Variants in NFXL1 observed in about 807,000 individuals in gnomAD.
NFXL1 encodes NF-X1-type zinc finger protein NFXL1.
Under a neutral mutation model 123.3 loss-of-function variants are expected in NFXL1, and 66 were observed. That is an observed-to-expected ratio of 0.54 (90% CI 0.44 to 0.66). The LOEUF is 0.66. Among genes scored for constraint, NFXL1 ranks in the 30% least tolerant of loss-of-function variants. NFXL1 has a pLI of 0.00. For synonymous variants in NFXL1, 346 were observed against 360.8 expected (o/e 0.96, Z 0.46); for missense variants, 944 against 1,125.6 (o/e 0.84, Z 2.31).
chr4:47,894,896 A>C (rs1269101056), intron 10 of NFXL1, among the ~76,000 whole-genome samples: 1 of 152,212 alleles, frequency 6.6e-6, no homozygotes, highest in Non-Finnish European at 1.5e-5. Flanking sequence ...TCATCAGAGG[A>C]ATCACTATCT....
At chr4:47,867,691 T>C (rs1735185781) in intron 18 of NFXL1, among the ~76,000 whole-genome samples, 1 of 151,888 alleles carries the variant, frequency 6.6e-6, no homozygotes, top group Non-Finnish European at 1.5e-5. Context: ...ACTTTAGGGG[T>C]CCCAGGTAAA....
chr4:47,890,589 A>G (rs756635322), intron 12 of NFXL1, 24 bp downstream of exon 12: 12 of 1,283,436 alleles, frequency 9.3e-6, no homozygotes, highest in Non-Finnish European at 1.4e-5. Flanking sequence ...CAAACATAAA[A>G]TCATAGCTAT....
chr4:47,871,958 G>GA (rs1057223342), intron 18 of NFXL1, among the ~76,000 whole-genome samples: 18 of 152,240 alleles, frequency 1.2e-4, no homozygotes, highest in African/African-American at 4.3e-4. Flanking sequence ...GGACTGGAGT[G>GA]AAACAGCCAG....
At chr4:47,861,993 A>G (rs1307758223) in intron 19 of NFXL1, among the ~76,000 whole-genome samples, 2 of 152,232 alleles carry the variant, frequency 1.3e-5, no homozygotes, top group African/African-American at 4.8e-5. Context: ...TTTAAAGGAA[A>G]AAGATACTAT....
chr4:47,909,148 A>G (rs1444162637), intron 3 of NFXL1, among the ~76,000 whole-genome samples: 4 of 152,110 alleles, frequency 2.6e-5, no homozygotes, highest in Admixed American at 1.3e-4. Context: ...ACAACTCTAC[A>G]GTATTTAGTA....
chr4:47,875,033 T>C (rs1392656845), intron 18 of NFXL1, 94 bp downstream of exon 18: 1 of 742,336 alleles, frequency 1.3e-6, no homozygotes, highest in African/African-American at 1.8e-5. Context: ...CATCTAGAGT[T>C]TAAGCAAAGT....
chr4:47,899,242 G>A (rs4475122), intron 6 of NFXL1, 122 bp from the exon 7 acceptor site: 517,261 of 1,267,448 alleles, frequency 0.41, 111,108 homozygotes, highest in Non-Finnish European at 0.44. Context: ...TTTACAAAAG[G>A]CAATAACTTT....
intron 18 of NFXL1, among the ~76,000 whole-genome samples, chr4:47,871,453 A>G (rs988397944): frequency 6.6e-6 from 1 of 152,172 alleles, no homozygotes. Flanking sequence ...TTAAATGGTC[A>G]AGGGTTTCAT....
intron 18 of NFXL1, among the ~76,000 whole-genome samples, chr4:47,872,404 G>A (rs1367808720): frequency 6.7e-6 from 1 of 149,728 alleles, no homozygotes; most frequent in Non-Finnish European, 1.5e-5. Context: ...AGAGATTGCA[G>A]TGAGCCAAGA....
intron 4 of NFXL1, among the ~76,000 whole-genome samples, 189 bp downstream of exon 4, chr4:47,905,048 G>A (rs1737502210): frequency 6.6e-6 from 1 of 151,830 alleles, no homozygotes; most frequent in African/African-American, 2.4e-5. Context: ...TAAAAATACT[G>A]GATACTCATT....
At chr4:47,865,858 A>C (rs962653609) in intron 18 of NFXL1, among the ~76,000 whole-genome samples, 5 of 152,022 alleles carry the variant, frequency 3.3e-5, no homozygotes, top group African/African-American at 1.2e-4. Context: ...CTACAAAAAA[A>C]CACCAAAATT....
At chr4:47,859,871 C>CAAAAAAAA (rs1333883635) in intron 19 of NFXL1, among the ~76,000 whole-genome samples, 29 of 52,612 alleles carry the variant, frequency 5.5e-4, no homozygotes, top group African/African-American at 2.1e-3. Flanking sequence ...AAAAAAAAAA[C>CAAAAAAAA]AAACAAACAA....
At chr4:47,854,699 A>G (rs1011339164) in intron 20 of NFXL1, among the ~76,000 whole-genome samples, 3 of 152,146 alleles carry the variant, frequency 2.0e-5, no homozygotes, top group African/African-American at 7.2e-5. Context: ...GCCATTTCTT[A>G]AGCAATGAAA....
chr4:47,889,989 TA>T (rs1736671250), intron 12 of NFXL1, among the ~76,000 whole-genome samples: 4 of 152,158 alleles, frequency 2.6e-5, no homozygotes, highest in African/African-American at 9.6e-5. Flanking sequence ...AGAAAATAGT[TA>T]TTTTTCATAA....
intron 21 of NFXL1, among the ~76,000 whole-genome samples, 175 bp from the exon 22 acceptor site, chr4:47,851,323 A>T (rs1560577586): frequency 6.6e-6 from 1 of 152,118 alleles, no homozygotes; most frequent in Non-Finnish European, 1.5e-5. Context: ...ACTATCTAAT[A>T]AATTGAAGGT....
Position 47,879,085 on chromosome 4 carries a change from C to G in NFXL1, c.1938+11G>C, listed in dbSNP as rs566796238. 8.7e-6 allele frequency: 12 copies of G among 1,384,656 alleles called. 1 individual carries two copies. The South Asian group carries it at 1.7e-4, about 20-fold the overall frequency. The allele number at this position is 1,384,656 out of a possible 1,614,324, so 85.8% of individuals were successfully genotyped here. A position where few individuals can be genotyped will look rare whatever the true frequency, so the allele number is the denominator to read the frequency against. On this transcript the variant is annotated intron_variant, in intron 16 of 22. Transcript: ENST00000507489. ...TATAAGCTTTACTTAAAAATTGTGC[C>G]TGTAACTTACCTCATGTTTCCCAAG...
At chr4:47,913,514 C>T (rs1737946851) in intron 2 of NFXL1, among the ~76,000 whole-genome samples, 1 of 152,222 alleles carries the variant, frequency 6.6e-6, no homozygotes, top group Admixed American at 6.5e-5. Flanking sequence ...CAAGTCCAAT[C>T]TAAATGGGAT....
rs1369740102 is a variant in NFXL1 at position 47,890,682 on chromosome 4, G to A, written c.1474C>T (p.Pro492Ser). The A allele has an allele frequency of 1.9e-6, 3 of 1,609,926 alleles. No individual in the cohort carries two copies. Among genetic ancestry groups the A allele is most frequent in the Admixed American group, 3.3e-5 (2 of 59,962 alleles). The change falls in exon 12 of 23, where the codon CCT becomes TCT. Residue 492 changes from proline (P) to serine (S), a missense_variant. Coordinates refer to ENST00000507489, the MANE Select transcript of NFXL1 (RefSeq NM_001278624.2). The part of the protein sequence containing the change: ...RRKCCPGNCP[P>S]CDQNCGRTLG... Reference sequence around the variant, plus strand: ...GTCCGTCCACAGTTTTGATCACAAGGTGGACAGTTTCCAGGGCAACACTGA... The same window carrying A: ...GTCCGTCCACAGTTTTGATCACAAGATGGACAGTTTCCAGGGCAACACTGA...
intron 17 of NFXL1, among the ~76,000 whole-genome samples, chr4:47,876,252 G>A (rs894114952): frequency 2.6e-5 from 4 of 152,114 alleles, no homozygotes; most frequent in Non-Finnish European, 5.9e-5. Flanking sequence ...ACATTTATGT[G>A]AGGAGGTAAA....
Sources: allele counts gnomAD v4.1 joint callset (sites outside exome capture counted in the v4.1 genomes callset), GRCh38; gene constraint gnomAD v4.1.1; transcripts MANE v1.5; gene names NCBI Gene and HGNC (gene_info 2026-07-23, HGNC 2026-07-21).